Variants in SPACA7 observed in about 807,000 individuals in gnomAD.
SPACA7 encodes sperm acrosome-associated protein 7.
A neutral mutation model predicts 26.3 loss-of-function variants in SPACA7; 19 were observed. The ratio of observed to expected loss-of-function variants is 0.72; its 90% CI spans 0.50 to 1.06. SPACA7 has a LOEUF of 1.06. SPACA7 is among the 50% of genes least tolerant of loss of function. The pLI, the probability that SPACA7 is intolerant of heterozygous loss-of-function variation, is 0.00. For synonymous variants in SPACA7, 84 were observed against 84.5 expected (o/e 0.99, Z 0.04); for missense variants, 211 against 229.9 (o/e 0.92, Z 0.53).
chr13:112,379,594 A>G (rs1250993223), intron 1 of SPACA7, among the ~76,000 whole-genome samples: 1 of 152,252 alleles, frequency 6.6e-6, no homozygotes, highest in Non-Finnish European at 1.5e-5. Flanking sequence ...ACAATTTCTG[A>G]AACACTTATA....
chr13:112,376,577 T>G, intron 1 of SPACA7, 98 bp downstream of exon 1: 5 of 1,269,524 alleles, frequency 3.9e-6, no homozygotes, highest in Non-Finnish European at 5.4e-6. Context: ...CCAACCTACA[T>G]GAATTTACCA....
chr13:112,413,037 CCTAT>C (rs1164949507), intron 5 of SPACA7, among the ~76,000 whole-genome samples: 1 of 152,110 alleles, frequency 6.6e-6, no homozygotes, highest in African/African-American at 2.4e-5. Flanking sequence ...TTTTATATTG[CCTAT>C]CTCTTTAAAA....
chr13:112,383,266 C>T (rs1051765610), intron 1 of SPACA7, among the ~76,000 whole-genome samples: 4 of 151,918 alleles, frequency 2.6e-5, no homozygotes, highest in African/African-American at 9.7e-5. Context: ...TTTGGGGATT[C>T]TAACTCATAA....
intron 1 of SPACA7, 140 bp downstream of exon 1, chr13:112,376,619 A>C (rs762253200): frequency 6.5e-5 from 60 of 930,100 alleles, no homozygotes; most frequent in Non-Finnish European, 8.5e-5. Context: ...GTAGCTGAAA[A>C]GTCTTTCTAT....
At chr13:112,393,187 C>G in intron 2 of SPACA7, 110 bp downstream of exon 2, 1 of 813,948 alleles carries the variant, frequency 1.2e-6, no homozygotes, top group South Asian at 2.0e-5. Flanking sequence ...GTGGAGGGAA[C>G]TGATTGGTTT....
At chr13:112,424,918 T>A (rs773740739) in intron 5 of SPACA7, among the ~76,000 whole-genome samples, 1 of 152,190 alleles carries the variant, frequency 6.6e-6, no homozygotes, top group African/African-American at 2.4e-5. Context: ...GCACCCTCCA[T>A]GCCGACCCTA....
At chr13:112,390,024 T>C (rs1276514020) in intron 1 of SPACA7, among the ~76,000 whole-genome samples, 2 of 152,202 alleles carry the variant, frequency 1.3e-5, no homozygotes, top group Non-Finnish European at 2.9e-5. Context: ...CAGTTGGTCT[T>C]TTTCCTTTTC....
intron 1 of SPACA7, among the ~76,000 whole-genome samples, chr13:112,390,514 T>C (rs1333682804): frequency 6.6e-6 from 1 of 152,210 alleles, no homozygotes; most frequent in Non-Finnish European, 1.5e-5. Flanking sequence ...TGCACTGCTA[T>C]AGAGACATAC....
chr13:112,408,230 G>T (rs952966965), intron 5 of SPACA7, among the ~76,000 whole-genome samples: 4 of 152,046 alleles, frequency 2.6e-5, no homozygotes, highest in Non-Finnish European at 5.9e-5. Context: ...AAAATAATAA[G>T]AACTATTTAT....
rs186692900 is a variant in SPACA7 at position 112,408,459 on chromosome 13, T to A, written c.445+7295T>A. ...TGTTTGCAGATGACATGATTGTATATTTAGAAAACCCTATCGTCTCAGCCC... is the reference window on the plus strand; with the variant it reads ...TGTTTGCAGATGACATGATTGTATAATTAGAAAACCCTATCGTCTCAGCCC... On this transcript the variant is annotated intron_variant, in intron 5 of 6. Coordinates refer to ENST00000283550, the MANE Select transcript of SPACA7 (RefSeq NM_145248.5). Among the ~76,000 whole-genome samples the A allele has an allele frequency of 2.2e-4, 34 of 152,172 alleles. No homozygotes were observed. In the East Asian group the frequency reaches 6.4e-3, roughly 29 times the overall value.
intron 5 of SPACA7, among the ~76,000 whole-genome samples, chr13:112,414,127 A>G (rs796481643): frequency 1.9e-4 from 29 of 152,222 alleles, no homozygotes; most frequent in African/African-American, 7.0e-4. Context: ...TCATGACCCA[A>G]ACACCTCCCA....
chr13:112,387,298 A>C (rs1433501212), intron 1 of SPACA7, among the ~76,000 whole-genome samples: 1 of 152,186 alleles, frequency 6.6e-6, no homozygotes, highest in Non-Finnish European at 1.5e-5. Flanking sequence ...AGGACACAAA[A>C]CAAGACAGAA....
intron 5 of SPACA7, among the ~76,000 whole-genome samples, chr13:112,413,404 C>T (rs1886479555): frequency 6.8e-6 from 1 of 148,144 alleles, no homozygotes; most frequent in South Asian, 2.4e-4. Flanking sequence ...AATATGTCAT[C>T]CAACTCCCTC....
chr13:112,411,634 C>T (rs993079688), intron 5 of SPACA7, among the ~76,000 whole-genome samples: 1 of 152,110 alleles, frequency 6.6e-6, no homozygotes, highest in Non-Finnish European at 1.5e-5. Context: ...CACCATTGCA[C>T]TCTCTACCTC....
At chr13:112,387,599 C>G (rs1324188907) in intron 1 of SPACA7, among the ~76,000 whole-genome samples, 1 of 152,190 alleles carries the variant, frequency 6.6e-6, no homozygotes, top group Non-Finnish European at 1.5e-5. Context: ...AGAAATTTGG[C>G]TGGTAAGAAT....
At chr13:112,399,651 A>T (rs1244206656) in intron 4 of SPACA7, among the ~76,000 whole-genome samples, 3 of 152,252 alleles carry the variant, frequency 2.0e-5, no homozygotes, top group African/African-American at 7.2e-5. Flanking sequence ...CTTGGACCCC[A>T]TGGAGGGGCA....
rs542819351 is a variant in SPACA7 at position 112,434,414 on chromosome 13, C to T, written c.524-71C>T. 52 of 1,338,504 alleles carry T rather than the reference C, an allele frequency of 3.9e-5. No individual in the cohort carries two copies. The East Asian group carries it at 9.2e-4, about 24-fold the overall frequency. The allele number at this position is 1,338,504 out of a possible 1,614,324, so 82.9% of individuals were successfully genotyped here. A position where few individuals can be genotyped will look rare whatever the true frequency, so the allele number is the denominator to read the frequency against. On this transcript the variant is annotated intron_variant, in intron 6 of 6. Coordinates refer to ENST00000283550, the MANE Select transcript of SPACA7 (RefSeq NM_145248.5). ...GTTCCTCCTGTCCCCTGGTGTCCCT[C>T]GATCCTGCCAGTGCCTCCATCTCCC...
intron 5 of SPACA7, among the ~76,000 whole-genome samples, chr13:112,430,174 C>CTGTGTGTGTGTGTGTGTGTGTGTGTGTG (rs61438595): frequency 7.5e-6 from 1 of 134,210 alleles, no homozygotes; most frequent in Non-Finnish European, 1.6e-5. Flanking sequence ...ATCTCTCTCT[C>CTGTGTGTGTGTGTGTGTGTGTGTGTGTG]TGTGTGTGTG....
rs1413723595 is a variant in SPACA7, at chr13:112,401,883, C to T, written c.445+719C>T. Among the ~76,000 whole-genome samples, 6 of 152,332 alleles carry T rather than the reference C, an allele frequency of 3.9e-5. No homozygotes were observed. The East Asian group carries it at 1.2e-3, about 29-fold the overall frequency. On this transcript the variant is annotated intron_variant, in intron 5 of 6. Transcript: ENST00000283550. ...GATTTGCAAAGCCACACGTATTACA[C>T]ACAAAGTTTTTCTGTATGTGACTGT... is the stretch of plus-strand genomic sequence containing the variant.
Sources: gnomAD v4.1 joint callset for allele counts (sites outside exome capture counted in the v4.1 genomes callset) on GRCh38, gnomAD v4.1.1 for gene constraint, MANE v1.5 for transcripts, NCBI Gene and HGNC (gene_info 2026-07-23, HGNC 2026-07-21) for gene names.